REDIC1: variants seen among roughly 807,000 people sequenced by gnomAD.
REDIC1 encodes the protein HEI10 Interacting Protein 1.
At chr12:39,716,657 G>A in the REDIC1 span, 1 of 813,686 alleles carries the variant, frequency 1.2e-6, no homozygotes, top group South Asian at 1.7e-5. Context: ...TGTGTTGTTA[G>A]CTAAATTTGT....
the REDIC1 span, among the ~76,000 whole-genome samples, chr12:39,790,310 G>A: frequency 1.3e-5 from 2 of 150,430 alleles, no homozygotes; most frequent in South Asian, 2.1e-4. Flanking sequence ...GTGCTGGTGC[G>A]CTGCACCCAC....
the REDIC1 span, among the ~76,000 whole-genome samples, chr12:39,728,217 T>C: frequency 6.6e-6 from 1 of 152,346 alleles, no homozygotes; most frequent in South Asian, 2.1e-4. Context: ...CGTTGTCTTG[T>C]GCTGGTTTTT....
the REDIC1 span, among the ~76,000 whole-genome samples, chr12:39,726,944 T>C: frequency 6.6e-6 from 1 of 152,380 alleles, no homozygotes; most frequent in Non-Finnish European, 1.5e-5. Context: ...CTGTGTTTGT[T>C]GGCTGCATAA....
At chr12:39,713,239 T>G in the REDIC1 span, among the ~76,000 whole-genome samples, 3,903 of 102,888 alleles carry the variant, frequency 0.038, 262 homozygotes, top group African/African-American at 0.092. Flanking sequence ...TACGTGTATA[T>G]ATGTGTACAC....
the REDIC1 span, chr12:39,759,969 T>G: frequency 1.5e-6 from 2 of 1,348,634 alleles, no homozygotes; most frequent in Non-Finnish European, 2.1e-6. Context: ...AAGTCACCAA[T>G]TGCTGTTCTT....
the REDIC1 span, among the ~76,000 whole-genome samples, chr12:39,708,997 A>C: frequency 1.3e-5 from 2 of 151,882 alleles, no homozygotes; most frequent in Non-Finnish European, 2.9e-5. Flanking sequence ...CTGAGAACAT[A>C]AGATGTCCTT....
chr12:39,744,619 A>T, the REDIC1 span, among the ~76,000 whole-genome samples: 1 of 152,184 alleles, frequency 6.6e-6, no homozygotes, highest in Non-Finnish European at 1.5e-5. Context: ...GTGGAATTGG[A>T]TTAGTAGTAC....
chr12:39,665,796 G>T, the REDIC1 span, among the ~76,000 whole-genome samples: 1 of 151,996 alleles, frequency 6.6e-6, no homozygotes, highest in African/African-American at 2.4e-5. Flanking sequence ...CACATCCCTT[G>T]TAAGTTGGAT....
At chr12:39,872,265 A>T in the REDIC1 span, among the ~76,000 whole-genome samples, 1 of 152,214 alleles carries the variant, frequency 6.6e-6, no homozygotes, top group Admixed American at 6.5e-5. Context: ...AGTTTCACTA[A>T]AACTGTATCA....
At chr12:39,648,777 T>C in the REDIC1 span, among the ~76,000 whole-genome samples, 1 of 150,822 alleles carries the variant, frequency 6.6e-6, no homozygotes, top group Non-Finnish European at 1.5e-5. Flanking sequence ...TTTATAGTTT[T>C]AAATTTTAGA....
the REDIC1 span, among the ~76,000 whole-genome samples, chr12:39,760,462 A>AACTC: frequency 2.0e-5 from 3 of 151,994 alleles, no homozygotes; most frequent in Admixed American, 1.3e-4. Flanking sequence ...CAAGTTTAGA[A>AACTC]ACTCAAGAAT....
chr12:39,750,226 G>T, the REDIC1 span, among the ~76,000 whole-genome samples: 1 of 152,152 alleles, frequency 6.6e-6, no homozygotes, highest in African/African-American at 2.4e-5. Context: ...AAAGTCTCAG[G>T]ATACAAAATC....
At chr12:39,727,226 A>C in the REDIC1 span, among the ~76,000 whole-genome samples, 1 of 152,200 alleles carries the variant, frequency 6.6e-6, no homozygotes, top group Non-Finnish European at 1.5e-5. Context: ...GTCTTTGCCC[A>C]TGCCTATGTC....
the REDIC1 span, among the ~76,000 whole-genome samples, chr12:39,784,112 A>G: frequency 1.3e-5 from 2 of 152,214 alleles, no homozygotes; most frequent in Non-Finnish European, 2.9e-5. Flanking sequence ...ATGCTCATGG[A>G]TAGGAAGAAT....
At chr12:39,789,864 C>T in the REDIC1 span, among the ~76,000 whole-genome samples, 1 of 152,064 alleles carries the variant, frequency 6.6e-6, no homozygotes, top group African/African-American at 2.4e-5. Context: ...TATTCTTTCC[C>T]ATTTTCCAAT....
At chr12:39,713,296 G>T in the REDIC1 span, among the ~76,000 whole-genome samples, 1 of 26,446 alleles carries the variant, frequency 3.8e-5, no homozygotes, top group Non-Finnish European at 1.7e-4. Flanking sequence ...GTATATATGT[G>T]TACACACACA....
the REDIC1 span, among the ~76,000 whole-genome samples, chr12:39,803,291 A>G: frequency 6.6e-6 from 1 of 152,242 alleles, no homozygotes; most frequent in East Asian, 1.9e-4. Flanking sequence ...TGATGAAAAT[A>G]GACTTATATG....
At chr12:39,840,118 G>A in the REDIC1 span, among the ~76,000 whole-genome samples, 56 of 151,786 alleles carry the variant, frequency 3.7e-4, no homozygotes, top group Admixed American at 7.9e-4. Flanking sequence ...TGCAACCTCC[G>A]CCTCCTGGGT....
At chr12:39,704,074 C>A in the REDIC1 span, among the ~76,000 whole-genome samples, 1 of 152,032 alleles carries the variant, frequency 6.6e-6, no homozygotes, top group African/African-American at 2.4e-5. Flanking sequence ...TTGACAAATG[C>A]GATCTAATTA....
Sources: gnomAD v4.1 joint callset for allele counts (sites outside exome capture counted in the v4.1 genomes callset) on GRCh38, gnomAD v4.1.1 for gene constraint, MANE v1.5 for transcripts, NCBI Gene and HGNC (gene_info 2026-07-23, HGNC 2026-07-21) for gene names.